Variants in PABPC4L observed in about 807,000 individuals in gnomAD.
PABPC4L encodes the protein poly(A) binding protein cytoplasmic 4 like, also known as polyadenylate-binding protein 4-like.
For synonymous variants in PABPC4L, 169 were observed against 164.1 expected (o/e 1.03, Z -0.23); for missense variants, 452 against 451.4 (o/e 1.00, Z -0.01).
At chr4:134,016,042 C>T in the PABPC4L span, among the ~76,000 whole-genome samples, 439 of 152,224 alleles carry the variant, frequency 2.9e-3, 4 homozygotes, top group African/African-American at 9.8e-3. Flanking sequence ...ATCCACCTGA[C>T]GTTCACCCCA....
At chr4:134,075,882 A>T in the PABPC4L span, among the ~76,000 whole-genome samples, 3 of 152,112 alleles carry the variant, frequency 2.0e-5, no homozygotes, top group Non-Finnish European at 4.4e-5. Context: ...ATTCCAAAAT[A>T]TATATTGATT....
chr4:133,963,728 T>C, the PABPC4L span, among the ~76,000 whole-genome samples: 1 of 151,850 alleles, frequency 6.6e-6, no homozygotes, highest in Non-Finnish European at 1.5e-5. Flanking sequence ...AAATAACCTG[T>C]TCCTCAAAAA....
chr4:134,020,199 G>A, the PABPC4L span, among the ~76,000 whole-genome samples: 1 of 152,006 alleles, frequency 6.6e-6, no homozygotes, highest in East Asian at 1.9e-4. Flanking sequence ...TATTAAGAAA[G>A]TAAAGTAGTG....
At chr4:133,969,087 C>G in the PABPC4L span, among the ~76,000 whole-genome samples, 1 of 152,150 alleles carries the variant, frequency 6.6e-6, no homozygotes, top group Non-Finnish European at 1.5e-5. Context: ...AAATCTCTCT[C>G]TCTCTGTGTT....
At chr4:133,974,055 A>T in the PABPC4L span, among the ~76,000 whole-genome samples, 1 of 152,190 alleles carries the variant, frequency 6.6e-6, no homozygotes, top group African/African-American at 2.4e-5. Context: ...AGGCCAAATT[A>T]TCCTTGAAAA....
At chr4:133,952,734 C>T in the PABPC4L span, among the ~76,000 whole-genome samples, 3 of 152,050 alleles carry the variant, frequency 2.0e-5, no homozygotes, top group Admixed American at 6.5e-5. Context: ...TGTTAGGAGG[C>T]CTTATCATTA....
At chr4:134,079,146 AT>A in the PABPC4L span, among the ~76,000 whole-genome samples, 1 of 149,570 alleles carries the variant, frequency 6.7e-6, no homozygotes, top group African/African-American at 2.5e-5. Context: ...TAATTTTTGT[AT>A]TTTTAGTAGA....
At chr4:134,157,369 G>A in the PABPC4L span, among the ~76,000 whole-genome samples, 5 of 151,010 alleles carry the variant, frequency 3.3e-5, no homozygotes, top group African/African-American at 1.2e-4. Flanking sequence ...TCTGGGTTAA[G>A]GTTTCAATAT....
the PABPC4L span, among the ~76,000 whole-genome samples, chr4:134,002,207 T>TA: frequency 6.6e-6 from 1 of 151,904 alleles, no homozygotes; most frequent in Non-Finnish European, 1.5e-5. Flanking sequence ...GAAATATCCC[T>TA]AAAAATGAAA....
At chr4:133,948,564 A>G in the PABPC4L span, among the ~76,000 whole-genome samples, 7 of 152,226 alleles carry the variant, frequency 4.6e-5, no homozygotes, top group Non-Finnish European at 4.4e-5. Flanking sequence ...TTCCCTATGG[A>G]GAATGAGAAG....
At chr4:134,011,389 A>G in the PABPC4L span, among the ~76,000 whole-genome samples, 5 of 152,058 alleles carry the variant, frequency 3.3e-5, no homozygotes, top group Non-Finnish European at 7.4e-5. Context: ...TAGAATGCTG[A>G]AAAAAAATTC....
chr4:134,156,196 C>T, the PABPC4L span, among the ~76,000 whole-genome samples: 2 of 151,784 alleles, frequency 1.3e-5, no homozygotes, highest in African/African-American at 4.8e-5. Context: ...GTTTTAAGGT[C>T]CTCTTTGTAT....
At chr4:134,093,194 A>C in the PABPC4L span, among the ~76,000 whole-genome samples, 1 of 150,204 alleles carries the variant, frequency 6.7e-6, no homozygotes, top group East Asian at 2.0e-4. Context: ...CTCTAACATT[A>C]ATTTTTCATT....
At chr4:134,016,444 A>G in the PABPC4L span, among the ~76,000 whole-genome samples, 1 of 152,188 alleles carries the variant, frequency 6.6e-6, no homozygotes, top group East Asian at 1.9e-4. Flanking sequence ...AAAGGCCATT[A>G]AAGGGCATCA....
At chr4:133,964,888 T>G in the PABPC4L span, among the ~76,000 whole-genome samples, 1 of 152,020 alleles carries the variant, frequency 6.6e-6, no homozygotes, top group Non-Finnish European at 1.5e-5. Context: ...GTTGAAAGCC[T>G]CCCCTCTGAG....
the PABPC4L span, among the ~76,000 whole-genome samples, chr4:134,064,427 T>A: frequency 0.017 from 2,640 of 152,132 alleles, 71 homozygotes; most frequent in African/African-American, 0.057. Context: ...ACCACTTGGT[T>A]GATATTAATT....
At chr4:134,187,167 A>C in the PABPC4L span, among the ~76,000 whole-genome samples, 1 of 152,092 alleles carries the variant, frequency 6.6e-6, no homozygotes, top group South Asian at 2.1e-4. Flanking sequence ...TAGAAATACC[A>C]TTTGACCCAG....
the PABPC4L span, among the ~76,000 whole-genome samples, chr4:134,009,086 T>C: frequency 7.7e-4 from 117 of 152,006 alleles, 1 homozygote; most frequent in Non-Finnish European, 1.5e-4. Flanking sequence ...AGATTATATG[T>C]ACTTGTAATT....
chr4:134,165,153 A>T, the PABPC4L span, among the ~76,000 whole-genome samples: 1 of 152,176 alleles, frequency 6.6e-6, no homozygotes, highest in Non-Finnish European at 1.5e-5. Flanking sequence ...TTAAAGCTTT[A>T]AATCTAAAAC....
Sources: allele counts gnomAD v4.1 joint callset (sites outside exome capture counted in the v4.1 genomes callset), GRCh38; gene constraint gnomAD v4.1.1; transcripts MANE v1.5; gene names NCBI Gene and HGNC (gene_info 2026-07-23, HGNC 2026-07-21).